Variants in ARHGAP15 observed in about 807,000 individuals in gnomAD.
The protein encoded by ARHGAP15 is Rho GTPase activating protein 15.
A neutral mutation model predicts 63.7 loss-of-function variants in ARHGAP15; 51 were observed. That is an observed-to-expected ratio of 0.80 (90% CI 0.64 to 1.01). The LOEUF is 1.01. Ranked by LOEUF, ARHGAP15 falls within the 50% of genes least tolerant of loss-of-function variation. ARHGAP15 has a pLI of 0.00. For synonymous variants in ARHGAP15, 191 were observed against 193.8 expected (o/e 0.99, Z 0.12); for missense variants, 560 against 564.6 (o/e 0.99, Z 0.08).
intron 12 of ARHGAP15, among the ~76,000 whole-genome samples, chr2:143,691,051 C>A (rs550403272): frequency 6.6e-6 from 1 of 152,184 alleles, no homozygotes; most frequent in Non-Finnish European, 1.5e-5. Context: ...GACGTACTCT[C>A]TTGCCCAACT....
chr2:143,622,855 A>C (rs904407125), intron 11 of ARHGAP15, among the ~76,000 whole-genome samples: 3 of 151,672 alleles, frequency 2.0e-5, no homozygotes, highest in African/African-American at 7.3e-5. Flanking sequence ...CGTGAACATT[A>C]TTAGCAAAAC....
At chr2:143,421,677 A>G (rs910720982) in intron 6 of ARHGAP15, among the ~76,000 whole-genome samples, 3 of 151,912 alleles carry the variant, frequency 2.0e-5, no homozygotes, top group Non-Finnish European at 2.9e-5. Flanking sequence ...ATATTACATC[A>G]CATATAGTAA....
intron 10 of ARHGAP15, among the ~76,000 whole-genome samples, chr2:143,521,468 A>G (rs1045500981): frequency 2.0e-5 from 3 of 152,190 alleles, no homozygotes; most frequent in Non-Finnish European, 4.4e-5. Context: ...GAAATAATTT[A>G]TGTGAATCTA....
At chr2:143,710,574 T>C (rs1035584863) in intron 13 of ARHGAP15, among the ~76,000 whole-genome samples, 3 of 152,188 alleles carry the variant, frequency 2.0e-5, no homozygotes, top group African/African-American at 4.8e-5. Context: ...GATCTTTAGA[T>C]TTAACATTTG....
At chr2:143,469,251 C>T (rs1691398351) in intron 8 of ARHGAP15, among the ~76,000 whole-genome samples, 1 of 152,080 alleles carries the variant, frequency 6.6e-6, no homozygotes, top group African/African-American at 2.4e-5. Context: ...GGAGAGATGA[C>T]TAGCATGAGT....
At chr2:143,320,828 G>T (rs376902770) in intron 6 of ARHGAP15, among the ~76,000 whole-genome samples, 60 of 152,190 alleles carry the variant, frequency 3.9e-4, no homozygotes, top group African/African-American at 1.4e-3. Context: ...AATAAAAAGT[G>T]ACTTTTTAAG....
chr2:143,497,803 A>G (rs12469572), intron 9 of ARHGAP15, among the ~76,000 whole-genome samples: 10,709 of 152,224 alleles, frequency 0.07, 571 homozygotes, highest in East Asian at 0.22. Context: ...CTTCTTATAT[A>G]GTGAGACAAG....
chr2:143,168,674 G>T (rs1282996146), intron 2 of ARHGAP15, among the ~76,000 whole-genome samples: 3 of 150,540 alleles, frequency 2.0e-5, no homozygotes, highest in Admixed American at 6.7e-5. Context: ...ACGCTACTTT[G>T]TATTTAAGTG....
chr2:143,153,812 CTTCTTCTTCTTCTTCTTCTTCT>C (rs1689941657), intron 1 of ARHGAP15, among the ~76,000 whole-genome samples: 2 of 75,810 alleles, frequency 2.6e-5, no homozygotes, highest in African/African-American at 9.5e-5. Flanking sequence ...TCTTCTTCTT[CTTCTTCTTCTTCTTCTTCTTCT>C]TCTTCTTCTT....
intron 4 of ARHGAP15, among the ~76,000 whole-genome samples, chr2:143,227,474 T>C (rs1693255499): frequency 6.6e-6 from 1 of 152,158 alleles, no homozygotes; most frequent in Admixed American, 6.5e-5. Context: ...AGGTGAAATT[T>C]ATGAAAAATA....
chr2:143,430,139 A>AT (rs1689318155), intron 6 of ARHGAP15, among the ~76,000 whole-genome samples: 1 of 151,206 alleles, frequency 6.6e-6, no homozygotes. Context: ...ACAGATGGGG[A>AT]TTACAAATGC....
At chr2:143,490,396 C>T (rs1400894313) in intron 9 of ARHGAP15, among the ~76,000 whole-genome samples, 4 of 152,104 alleles carry the variant, frequency 2.6e-5, no homozygotes, top group Admixed American at 1.3e-4. Context: ...TTGAGCACCA[C>T]GATGGGGGCA....
At chr2:143,513,716 C>T (rs532916953) in intron 9 of ARHGAP15, among the ~76,000 whole-genome samples, 5 of 152,190 alleles carry the variant, frequency 3.3e-5, no homozygotes, top group Non-Finnish European at 7.3e-5. Flanking sequence ...TCTCAAGACC[C>T]TCAAGTAACT....
intron 8 of ARHGAP15, among the ~76,000 whole-genome samples, chr2:143,463,046 T>C (rs1030954488): frequency 6.6e-6 from 1 of 152,124 alleles, no homozygotes; most frequent in African/African-American, 2.4e-5. Flanking sequence ...CACAAATTCA[T>C]AAACTTTCTT....
intron 6 of ARHGAP15, among the ~76,000 whole-genome samples, chr2:143,312,326 C>G (rs1302661492): frequency 1.3e-5 from 2 of 152,140 alleles, no homozygotes; most frequent in Non-Finnish European, 2.9e-5. Context: ...AGAAGTAGCA[C>G]TGAAGAATTA....
intron 6 of ARHGAP15, among the ~76,000 whole-genome samples, chr2:143,411,072 G>T (rs1688423014): frequency 6.6e-6 from 1 of 151,972 alleles, no homozygotes. Flanking sequence ...GGGCATGACG[G>T]CAGGCACCTG....
At chr2:143,197,644 G>T (rs1328569546) in intron 2 of ARHGAP15, among the ~76,000 whole-genome samples, 3 of 151,964 alleles carry the variant, frequency 2.0e-5, no homozygotes, top group Non-Finnish European at 4.4e-5. Flanking sequence ...GATTTGGAGT[G>T]ATCACATATT....
intron 11 of ARHGAP15, among the ~76,000 whole-genome samples, chr2:143,622,778 A>AT (rs1698687506): frequency 1.5e-5 from 1 of 66,008 alleles, no homozygotes; most frequent in Non-Finnish European, 3.2e-5. Context: ...TCGTTCATTT[A>AT]TTTAAAAAAA....
intron 13 of ARHGAP15, among the ~76,000 whole-genome samples, chr2:143,742,212 T>C (rs1377531030): frequency 6.6e-6 from 1 of 152,144 alleles, no homozygotes; most frequent in Non-Finnish European, 1.5e-5. Flanking sequence ...GCTAGGAAGG[T>C]AGACAACAAT....
Sources: allele counts gnomAD v4.1 joint callset (sites outside exome capture counted in the v4.1 genomes callset), GRCh38; gene constraint gnomAD v4.1.1; transcripts MANE v1.5; gene names NCBI Gene and HGNC (gene_info 2026-07-23, HGNC 2026-07-21).